The following EYA2 variants were observed in gnomAD, a reference collection of about 807,000 sequenced individuals.
The protein encoded by EYA2 is EYA transcriptional coactivator and phosphatase 2.
In EYA2, 31 loss-of-function variants were observed where a neutral mutation model predicts 69.2. That is an observed-to-expected ratio of 0.45 (90% confidence interval 0.34 to 0.60). The LOEUF is 0.60. Among genes scored for constraint, EYA2 ranks in the 20% least tolerant of loss-of-function variants. EYA2 has a pLI of 0.02. For synonymous variants in EYA2, 257 were observed against 279.4 expected (o/e 0.92, Z 0.80); for missense variants, 622 against 701.2 (o/e 0.89, Z 1.28).
chr20:46,995,908 G>A (rs563587379), intron 2 of EYA2, among the ~76,000 whole-genome samples: 1 of 152,318 alleles, frequency 6.6e-6, no homozygotes, highest in South Asian at 2.1e-4. Flanking sequence ...CTGCATATGT[G>A]CAAGATATTG....
intron 10 of EYA2, among the ~76,000 whole-genome samples, chr20:47,162,489 T>C (rs561858117): frequency 6.6e-6 from 1 of 150,882 alleles, no homozygotes; most frequent in Admixed American, 6.6e-5. Flanking sequence ...ATTAATTTTT[T>C]TCAAAAGCAG....
chr20:47,028,710 A>G (rs1240772231), intron 5 of EYA2, among the ~76,000 whole-genome samples: 1 of 152,234 alleles, frequency 6.6e-6, no homozygotes, highest in Admixed American at 6.5e-5. Flanking sequence ...GCTCTAGGAC[A>G]CAGGGCCAAG....
At position 46,997,045 on chromosome 20, in the gene EYA2, C is replaced by A. The variant is rs191388259; in HGVS notation, c.110-4383C>A. 2.9e-4 allele frequency among the ~76,000 whole-genome samples: 44 copies of A among 152,268 alleles called. No homozygotes were observed. The East Asian group carries it at 7.3e-3, about 25-fold the overall frequency. ...AGGCCACGATGGGATTAATAGCACC[C>A]TTTCCCCCCACAAAGCGGGATTTCT... On this transcript the variant is annotated intron_variant, in intron 2 of 15. Transcript: ENST00000327619.
chr20:47,050,656 G>A (rs1472776716), intron 5 of EYA2, among the ~76,000 whole-genome samples: 4 of 152,336 alleles, frequency 2.6e-5, no homozygotes, highest in Admixed American at 6.5e-5. Context: ...GGACAAAAAG[G>A]CTTTGATCTA....
intron 1 of EYA2, among the ~76,000 whole-genome samples, chr20:46,904,907 T>C (rs997106558): frequency 2.0e-5 from 3 of 152,220 alleles, no homozygotes; most frequent in African/African-American, 7.2e-5. Context: ...AGTTTCCCTA[T>C]TCACAAAATA....
intron 10 of EYA2, among the ~76,000 whole-genome samples, chr20:47,168,196 T>A (rs2034244431): frequency 1.1e-5 from 1 of 93,522 alleles, no homozygotes; most frequent in South Asian, 3.1e-4. Context: ...TTTTTTTGTT[T>A]TTTTGTTTTT....
chr20:47,092,024 T>C (rs1370270693), intron 8 of EYA2, among the ~76,000 whole-genome samples: 1 of 152,108 alleles, frequency 6.6e-6, no homozygotes, highest in Non-Finnish European at 1.5e-5. Flanking sequence ...GGATGCTCTT[T>C]TCAGAAGCCC....
chr20:47,085,631 G>A (rs2031870706), intron 7 of EYA2, among the ~76,000 whole-genome samples: 1 of 151,092 alleles, frequency 6.6e-6, no homozygotes, highest in Admixed American at 6.6e-5. Flanking sequence ...GGCAACAGAG[G>A]GAGACTCTGT....
At chr20:47,183,535 A>G (rs907324240) in intron 15 of EYA2, 144 bp downstream of exon 15, 29 of 647,514 alleles carry the variant, frequency 4.5e-5, no homozygotes, top group Non-Finnish European at 7.0e-5. Context: ...AGTCCATTCC[A>G]TTTGCAAATT....
intron 8 of EYA2, among the ~76,000 whole-genome samples, chr20:47,091,595 AAAAG>A (rs982763191): frequency 9.2e-5 from 14 of 151,430 alleles, no homozygotes; most frequent in African/African-American, 2.9e-4. Context: ...AAAAAAAAAA[AAAAG>A]CCAGCCATGG....
At chr20:46,973,660 C>T (rs13042847) in intron 1 of EYA2, among the ~76,000 whole-genome samples, 57,682 of 151,858 alleles carry the variant, frequency 0.38, 11,922 homozygotes, top group Non-Finnish European at 0.46. Context: ...TTGGAAAAAC[C>T]GTGAACATTG....
In EYA2 at chr20:47,088,870, G is replaced by A. The variant is rs150037412; in HGVS notation, c.662-369G>A. ...GATTACAGGCGTAAGCCCCCACGCC[G>A]GGCCCCCTGACTTGTTAATTCTCTG... On this transcript the variant is annotated intron_variant, in intron 7 of 15. Coordinates refer to ENST00000327619, the MANE Select transcript of EYA2 (RefSeq NM_005244.5). Among the ~76,000 whole-genome samples the A allele has an allele frequency of 5.0e-3, 757 of 152,256 alleles. 7 individuals carry two copies. Among genetic ancestry groups the A allele is most frequent in the African/African-American group, 0.017 (721 of 41,544 alleles).
chr20:46,937,237 G>A (rs1370535764), intron 1 of EYA2, among the ~76,000 whole-genome samples: 2 of 152,208 alleles, frequency 1.3e-5, no homozygotes, highest in African/African-American at 2.4e-5. Context: ...CGAGAAAAAG[G>A]AGTTTATAAT....
chr20:46,946,168 C>A (rs1478683297), intron 1 of EYA2, among the ~76,000 whole-genome samples: 1 of 152,164 alleles, frequency 6.6e-6, no homozygotes, highest in African/African-American at 2.4e-5. Context: ...CCCATTGGAT[C>A]CCTGCAGGAT....
chr20:47,149,566 A>G (rs1043615400), intron 10 of EYA2, among the ~76,000 whole-genome samples: 6 of 152,002 alleles, frequency 3.9e-5, no homozygotes, highest in African/African-American at 1.2e-4. Flanking sequence ...AGTTTGGGCC[A>G]GGCACGATGG....
At chr20:46,914,193 A>C (rs1984786140) in intron 1 of EYA2, among the ~76,000 whole-genome samples, 1 of 152,226 alleles carries the variant, frequency 6.6e-6, no homozygotes, top group Admixed American at 6.5e-5. Context: ...TCTGTCACCC[A>C]CATTTTTCCC....
At chr20:46,982,870 T>C (rs1980929596) in intron 1 of EYA2, among the ~76,000 whole-genome samples, 1 of 150,360 alleles carries the variant, frequency 6.7e-6, no homozygotes, top group Non-Finnish European at 1.5e-5. Flanking sequence ...GCCTCCTGGG[T>C]TCAAGCAATT....
At chr20:47,057,143 A>C (rs184946250) in intron 5 of EYA2, among the ~76,000 whole-genome samples, 1 of 78,592 alleles carries the variant, frequency 1.3e-5, no homozygotes, top group Non-Finnish European at 2.5e-5. Flanking sequence ...AGGAGGGAGG[A>C]AGGAAGGAAG....
chr20:47,150,959 G>A (rs989079801), intron 10 of EYA2, among the ~76,000 whole-genome samples: 1 of 152,010 alleles, frequency 6.6e-6, no homozygotes, highest in Non-Finnish European at 1.5e-5. Context: ...TACTAATAAA[G>A]GGGGAAGTGA....
Sources: allele counts gnomAD v4.1 joint callset (sites outside exome capture counted in the v4.1 genomes callset), GRCh38; gene constraint gnomAD v4.1.1; transcripts MANE v1.5; gene names NCBI Gene and HGNC (gene_info 2026-07-23, HGNC 2026-07-21).